Variants in C12orf54 observed in about 807,000 individuals in gnomAD.
C12orf54 encodes the protein uncharacterized protein C12orf54.
Under a neutral mutation model 26.4 loss-of-function variants are expected in C12orf54, and 24 were observed. That is an observed-to-expected ratio of 0.91 (90% confidence interval 0.66 to 1.28). The LOEUF is 1.28. Ranked by LOEUF, C12orf54 falls within the 50% of genes most tolerant of loss-of-function variation. C12orf54 has a pLI of 0.00. For missense variants in C12orf54, 154 were observed against 150.9 expected (o/e 1.02, Z -0.11); for synonymous variants, 54 against 47.0 (o/e 1.15, Z -0.61).
chr12:48,423,187 T>C, the C12orf54 span, among the ~76,000 whole-genome samples: 228 of 152,258 alleles, frequency 1.5e-3, no homozygotes, highest in Middle Eastern at 0.027. Context: ...GTAGACAACG[T>C]ACACTTGTAG....
the C12orf54 span, among the ~76,000 whole-genome samples, chr12:48,453,886 G>A: frequency 4.5e-4 from 68 of 151,656 alleles, no homozygotes; most frequent in Non-Finnish European, 6.8e-4. Context: ...AGAAAACAAA[G>A]AAGGTGATAT....
the C12orf54 span, among the ~76,000 whole-genome samples, chr12:48,434,177 T>G: frequency 6.6e-6 from 1 of 151,830 alleles, no homozygotes; most frequent in Non-Finnish European, 1.5e-5. Context: ...AGCACAGCAG[T>G]CTGAGATCAA....
intron 4 of C12orf54, 101 bp downstream of exon 4, chr12:48,486,827 G>C (rs1013539183): frequency 8.1e-7 from 1 of 1,229,564 alleles, no homozygotes; most frequent in Non-Finnish European, 1.2e-6. Context: ...TGAGCGGTTT[G>C]TTGATTGACG....
At chr12:48,473,311 A>G in the C12orf54 span, 1 of 1,165,178 alleles carries the variant, frequency 8.6e-7, no homozygotes, top group Non-Finnish European at 1.3e-6. Flanking sequence ...GGTTATAACA[A>G]TGGAGAGGTA....
intron 2 of C12orf54, among the ~76,000 whole-genome samples, chr12:48,484,220 G>T (rs1460680083): frequency 6.6e-6 from 1 of 152,154 alleles, no homozygotes; most frequent in Non-Finnish European, 1.5e-5. Context: ...AAGAGAAAGT[G>T]AAAAATGACT....
chr12:48,426,680 G>A, the C12orf54 span, among the ~76,000 whole-genome samples: 1 of 152,144 alleles, frequency 6.6e-6, no homozygotes, highest in Non-Finnish European at 1.5e-5. Flanking sequence ...GAGCAGTATA[G>A]TCATTGTAAT....
chr12:48,468,459 C>G, the C12orf54 span, among the ~76,000 whole-genome samples: 74 of 152,148 alleles, frequency 4.9e-4, no homozygotes, highest in African/African-American at 1.7e-3. Flanking sequence ...TTGAGGAAGG[C>G]TGTGATGTGA....
intron 6 of C12orf54, 182 bp from the exon 7 acceptor site, chr12:48,492,765 C>A: frequency 3.3e-6 from 2 of 605,736 alleles, no homozygotes; most frequent in African/African-American, 1.8e-5. Context: ...TCACAGGGGG[C>A]CAGATTTCTG....
the C12orf54 span, among the ~76,000 whole-genome samples, chr12:48,449,799 GTGTCCCCACCCAAATCTCAACTA>G: frequency 2.0e-5 from 3 of 152,006 alleles, no homozygotes; most frequent in Non-Finnish European, 2.9e-5. Flanking sequence ...TGATTTGGCT[GTGTCCCCACCCAAATCTCAACTA>G]TGTCCCCACC....
chr12:48,434,541 C>T, the C12orf54 span, among the ~76,000 whole-genome samples: 1 of 152,202 alleles, frequency 6.6e-6, no homozygotes, highest in East Asian at 1.9e-4. Flanking sequence ...CCTCACACGG[C>T]CGGGTACTCC....
the C12orf54 span, among the ~76,000 whole-genome samples, chr12:48,421,410 C>T: frequency 6.6e-6 from 1 of 151,490 alleles, no homozygotes; most frequent in African/African-American, 2.4e-5. Context: ...CCCCAGGATC[C>T]AGTTACCTCC....
chr12:48,425,048 A>G, the C12orf54 span, among the ~76,000 whole-genome samples: 2 of 152,132 alleles, frequency 1.3e-5, no homozygotes, highest in Non-Finnish European at 2.9e-5. Context: ...TGTAGGCTAT[A>G]TCTCAGTGAA....
chr12:48,493,527 A>ATGCCTGTAGTCCCAGCTACTCAGG (rs1937837873), intron 7 of C12orf54, among the ~76,000 whole-genome samples: 1 of 150,070 alleles, frequency 6.7e-6, no homozygotes, highest in Non-Finnish European at 1.5e-5. Flanking sequence ...GGCTGAGGTG[A>ATGCCTGTAGTCCCAGCTACTCAGG]AAGGACAACC....
the C12orf54 span, among the ~76,000 whole-genome samples, chr12:48,440,780 A>C: frequency 6.6e-6 from 1 of 152,238 alleles, no homozygotes; most frequent in South Asian, 2.1e-4. Flanking sequence ...AATTGTCCTC[A>C]GATGTCTATA....
At chr12:48,456,156 A>C in the C12orf54 span, among the ~76,000 whole-genome samples, 30 of 152,350 alleles carry the variant, frequency 2.0e-4, no homozygotes, top group Middle Eastern at 0.014. Flanking sequence ...TTTTTTAAGC[A>C]GCTCAGCCAA....
At chr12:48,487,274 G>A (rs560018495) in intron 4 of C12orf54, among the ~76,000 whole-genome samples, 166 of 152,254 alleles carry the variant, frequency 1.1e-3, no homozygotes, top group African/African-American at 3.8e-3. Flanking sequence ...ACCTTAGATA[G>A]AGATGAGAAT....
the C12orf54 span, among the ~76,000 whole-genome samples, chr12:48,460,330 T>C: frequency 6.6e-6 from 1 of 152,104 alleles, no homozygotes; most frequent in African/African-American, 2.4e-5. Flanking sequence ...GGTGAAATAA[T>C]GTAAATATTT....
chr12:48,468,679 T>C, the C12orf54 span, among the ~76,000 whole-genome samples: 1 of 152,120 alleles, frequency 6.6e-6, no homozygotes, highest in Non-Finnish European at 1.5e-5. Flanking sequence ...AGGGGATACA[T>C]GTGCAGGTTG....
chr12:48,453,250 C>T, the C12orf54 span, among the ~76,000 whole-genome samples: 3 of 152,044 alleles, frequency 2.0e-5, no homozygotes, highest in African/African-American at 7.2e-5. Flanking sequence ...GACAACCAAA[C>T]ACCACATGTT....
Sources: gnomAD v4.1 joint callset for allele counts (sites outside exome capture counted in the v4.1 genomes callset) on GRCh38, gnomAD v4.1.1 for gene constraint, MANE v1.5 for transcripts, NCBI Gene and HGNC (gene_info 2026-07-23, HGNC 2026-07-21) for gene names.